SYT12: variants seen among roughly 807,000 people sequenced by gnomAD.
SYT12 encodes synaptotagmin-12.
Under a neutral mutation model 39.5 loss-of-function variants are expected in SYT12, and 27 were observed. The observed-to-expected ratio is 0.68, with a 90% CI of 0.50 to 0.94. The LOEUF is 0.94. Ranked by LOEUF, SYT12 falls within the 40% of genes least tolerant of loss-of-function variation. The pLI, the probability that SYT12 is intolerant of heterozygous loss-of-function variation, is 0.00. For missense variants in SYT12, 536 were observed against 572.6 expected, an observed-to-expected ratio of 0.94 and a Z score of 0.65; for synonymous variants, 233 against 239.7, an observed-to-expected ratio of 0.97 and a Z score of 0.26.
rs866573315 is a variant in SYT12, at chr11:67,049,736, G to A, written c.*979G>A. ...AGATGTGGTGGACAAGGAGGCTCTC[G>A]GGCTGGGCCTTGGAGGGGTGGCAGC... On this transcript the variant is annotated 3_prime_UTR_variant, in exon 8 of 8. Transcript: ENST00000527043. The A allele has an allele frequency of 2.6e-5, 4 of 152,546 alleles. No homozygotes were observed. Among genetic ancestry groups the A allele is most frequent in the South Asian group, 2.1e-4 (1 of 4,820 alleles). 9.4% of individuals were successfully genotyped at this position (152,546 alleles called of 1,614,324 possible).
intron 1 of SYT12, among the ~76,000 whole-genome samples, chr11:67,007,951 C>T (rs1357030600): frequency 6.6e-6 from 1 of 150,762 alleles, no homozygotes; most frequent in Non-Finnish European, 1.5e-5. Flanking sequence ...TGAGGAAGCC[C>T]TAACTTTTTT....
chr11:67,008,593 C>G (rs998027616), intron 1 of SYT12, among the ~76,000 whole-genome samples: 1 of 152,074 alleles, frequency 6.6e-6, no homozygotes, highest in African/African-American at 2.4e-5. Context: ...CCCTGTTGCC[C>G]AGGCTAGAGT....
At chr11:67,045,924 C>T in intron 7 of SYT12, 47 bp downstream of exon 7, 1 of 1,607,910 alleles carries the variant, frequency 6.2e-7, no homozygotes, top group Non-Finnish European at 8.5e-7. Context: ...CCCCAGGGCT[C>T]TGGGGCTGCC....
At chr11:67,027,199 G>A (rs1320771304) in intron 1 of SYT12, 1 of 152,490 alleles carries the variant, frequency 6.6e-6, no homozygotes, top group Non-Finnish European at 1.5e-5. Context: ...CAGGGCACCA[G>A]GCTGGAACAT....
chr11:67,034,505 G>C, intron 2 of SYT12, 140 bp from the exon 3 acceptor site: 1 of 690,860 alleles, frequency 1.4e-6, no homozygotes. Context: ...TGTATGTCTT[G>C]TTCGACATGG....
intron 2 of SYT12, chr11:67,031,273 G>A (rs1330386460): frequency 2.0e-5 from 3 of 152,264 alleles, no homozygotes; most frequent in Admixed American, 6.5e-5. Context: ...TGGTGCAAAC[G>A]CCACTCTTCC....
At chr11:67,009,088 C>A (rs143046708) in intron 1 of SYT12, among the ~76,000 whole-genome samples, 151 of 152,250 alleles carry the variant, frequency 9.9e-4, no homozygotes, top group Middle Eastern at 3.4e-3. Context: ...CTCCCTGCAA[C>A]CTCGCCCTCC....
At chr11:67,030,989 C>A (rs999648348) in intron 2 of SYT12, 3 of 152,234 alleles carry the variant, frequency 2.0e-5, no homozygotes, top group Admixed American at 1.3e-4. Context: ...TACCCTAACG[C>A]AGCCCCTGGG....
At position 67,035,900 on chromosome 11, in the gene SYT12, C is replaced by CTCCCTCCT. The variant is rs1363222514; in HGVS notation, c.228+1065_228+1066insCTCCTTCC. Among the ~76,000 whole-genome samples, 863 of 111,470 alleles carry CTCCCTCCT rather than the reference C, an allele frequency of 7.7e-3. 26 individuals are homozygous for CTCCCTCCT. The highest frequency in any genetic ancestry group is 0.031 in the African/African-American group (768 of 24,438). The allele number at this position is 111,470 out of a possible 152,430, so 73.1% of individuals were successfully genotyped here. A position where few individuals can be genotyped will look rare whatever the true frequency, so the allele number is the denominator to read the frequency against. On this transcript the variant is annotated intron_variant, in intron 3 of 7. Transcript: ENST00000527043. Reference sequence around the variant, plus strand: ...TTTCTTTCCCTCCCTCCCTCCCTCCCTCCTTCCTTCCTTCCTTTCTTTTCT... The same window carrying CTCCCTCCT: ...TTTCTTTCCCTCCCTCCCTCCCTCCCTCCCTCCTTCCTTCCTTCCTTCCTTTCTTTTCT...
intron 4 of SYT12, among the ~76,000 whole-genome samples, chr11:67,040,605 C>T (rs1024575831): frequency 2.6e-5 from 4 of 152,046 alleles, no homozygotes; most frequent in Non-Finnish European, 5.9e-5. Flanking sequence ...TTTGGGAGGC[C>T]GAGGCGGGCA....
At chr11:67,019,591 T>C (rs887884397), upstream of SYT12, among the ~76,000 whole-genome samples, 4 of 152,048 alleles carry the variant, frequency 2.6e-5, no homozygotes, top group African/African-American at 7.2e-5. Context: ...GTGGGAATTA[T>C]GGGAACTACA....
At chr11:67,024,316 T>C (rs985363961) in intron 1 of SYT12, among the ~76,000 whole-genome samples, 27 of 152,174 alleles carry the variant, frequency 1.8e-4, no homozygotes, top group African/African-American at 6.5e-4. Context: ...AAATTGAGGC[T>C]CAGAGAGGGC....
Position 67,048,717 on chromosome 11 carries a change from G to A in SYT12, c.1226G>A (p.Arg409His), listed in dbSNP as rs1002812692. 7.5e-6 allele frequency: 12 copies of A among 1,607,338 alleles called. No homozygotes were observed. In the East Asian group the frequency reaches 1.1e-4, roughly 15 times the overall value. ...TGGAACCAGATGTTGGCCACGCTGC[G>A]CAGGCCCGTGTCCATGTGGCACGCT... The part of the protein sequence containing the change: ...THWNQMLATL[R>H]RPVSMWHAVR... Residue 409 changes from arginine (R) to histidine (H), a missense_variant, in exon 8 of 8, where the codon CGC (arginine) becomes CAC (histidine). By Grantham distance (29) the Arg-to-His change is conservative (BLOSUM62 0). Coordinates refer to ENST00000527043, the MANE Select transcript of SYT12 (RefSeq NM_177963.4).
intron 2 of SYT12, 125 bp downstream of exon 2, chr11:67,030,303 C>T (rs1440097169): frequency 3.5e-6 from 4 of 1,141,028 alleles, no homozygotes; most frequent in Middle Eastern, 2.2e-4. Flanking sequence ...CTGTCAAGGA[C>T]AGTCAGTGAC....
At chr11:67,009,236 G>A (rs1056643153) in intron 1 of SYT12, among the ~76,000 whole-genome samples, 11 of 151,620 alleles carry the variant, frequency 7.3e-5, no homozygotes, top group Non-Finnish European at 8.8e-5. Flanking sequence ...GAACTCCTGC[G>A]CTTAAGTGAT....
At chr11:67,032,341 G>A (rs561937030) in intron 2 of SYT12, 2 of 152,342 alleles carry the variant, frequency 1.3e-5, no homozygotes, top group East Asian at 3.9e-4. Context: ...GATTTCTGCT[G>A]TTATAAATAC....
rs1377182660 is a variant in SYT12 at position 67,030,045 on chromosome 11, G to A, written c.-23-77G>A. 22 of 1,387,726 alleles carry A rather than the reference G, an allele frequency of 1.6e-5. 1 individual carries two copies. In the South Asian group the frequency reaches 2.4e-4, roughly 15 times the overall value. 86.0% of individuals were successfully genotyped at this position (1,387,726 alleles called of 1,614,324 possible). ...TAAGCTCTGGATGACAGGCACGTGG[G>A]TGCCAGGAGGCCAGGACCTAGGAGC... is the stretch of plus-strand genomic sequence containing the variant. On this transcript the variant is annotated intron_variant, in intron 1 of 7. Coordinates refer to ENST00000527043, the MANE Select transcript of SYT12 (RefSeq NM_177963.4).
In SYT12 at chr11:67,030,269, T is replaced by G. The variant is rs1430184471; in HGVS notation, c.34+91T>G. The G allele has an allele frequency of 2.8e-6, 4 of 1,440,364 alleles. No individual in the cohort carries two copies. In the African/African-American group the frequency reaches 5.6e-5, roughly 20 times the overall value. 89.2% of individuals were successfully genotyped at this position (1,440,364 alleles called of 1,614,324 possible). A position where few individuals can be genotyped will look rare whatever the true frequency, so the allele number is the denominator to read the frequency against. ...GAGGTGTCTGTGGGACATGAATAAT[T>G]AGTCCTTGCCATTAATGTCTTCACT... On this transcript the variant is annotated intron_variant, in intron 2 of 7. Transcript: ENST00000527043.
chr11:67,040,255 C>T (rs1950484515), intron 4 of SYT12, 52 bp downstream of exon 4: 1 of 1,524,084 alleles, frequency 6.6e-7, no homozygotes, highest in Non-Finnish European at 8.8e-7. Flanking sequence ...CACTAGATGC[C>T]TCCCAGGCAG....
Sources: allele counts gnomAD v4.1 joint callset (sites outside exome capture counted in the v4.1 genomes callset), GRCh38; gene constraint gnomAD v4.1.1; transcripts MANE v1.5; gene names NCBI Gene and HGNC (gene_info 2026-07-23, HGNC 2026-07-21).